The following TRABD variants were observed in gnomAD, a reference collection of about 807,000 sequenced individuals.
TRABD encodes the protein TraB domain containing.
A neutral mutation model predicts 39.6 loss-of-function variants in TRABD; 23 were observed. The ratio of observed to expected loss-of-function variants is 0.58; its 90% CI spans 0.42 to 0.82. TRABD has a LOEUF of 0.82. Among genes scored for constraint, TRABD ranks in the 40% least tolerant of loss-of-function variants. The pLI is 0.00. For missense variants in TRABD, 487 were observed against 544.9 expected, an observed-to-expected ratio of 0.89 and a Z score of 1.06; for synonymous variants, 243 against 232.1, an observed-to-expected ratio of 1.05 and a Z score of -0.43.
At chr22:50,194,543 T>A (rs892591154) in intron 4 of TRABD, 37 bp downstream of exon 4, 1 of 1,558,586 alleles carries the variant, frequency 6.4e-7, no homozygotes, top group Non-Finnish European at 8.7e-7. Flanking sequence ...GGACACGGGT[T>A]GGTGTAAGCT....
At chr22:50,189,342 C>A (rs973941830) in intron 1 of TRABD, among the ~76,000 whole-genome samples, 4 of 152,170 alleles carry the variant, frequency 2.6e-5, no homozygotes, top group African/African-American at 9.7e-5. Flanking sequence ...GATCTGAGGA[C>A]CCTGTCTGCC....
chr22:50,198,375 G>A lies in TRABD; in HGVS notation c.987G>A (p.Val329=). Residue 329 remains valine, a synonymous_variant, in exon 10 of 10, where the codon GTG becomes GTA. Coordinates refer to ENST00000380909, the MANE Select transcript of TRABD (RefSeq NM_001320485.2). The surrounding 1 kb of genome is among the most constrained non-coding windows in gnomAD (Gnocchi z 7.9). ...CCCCGCCGTCCGTCTCCGGCAGAGT[G>A]TCTCGGTTGGCCGTGAAGGCCGCCT... ...TVPPPSVSGR[V]SRLAVKAAFF... is the part of the protein sequence containing the mutation. The A allele has an allele frequency of 6.3e-7, 1 of 1,589,226 alleles. No individual in the cohort carries two copies. Among genetic ancestry groups the A allele is most frequent in the Non-Finnish European group, 8.5e-7 (1 of 1,173,100 alleles).
chr22:50,197,775 C>G, intron 7 of TRABD, 48 bp from the exon 8 acceptor site: 2 of 1,487,948 alleles, frequency 1.3e-6, no homozygotes, highest in Non-Finnish European at 1.9e-6. Flanking sequence ...CCCCACCCCC[C>G]CAGCCCGTTG....
chr22:50,195,712 C>A (rs1457778333), intron 5 of TRABD, among the ~76,000 whole-genome samples: 3 of 152,136 alleles, frequency 2.0e-5, no homozygotes, highest in Non-Finnish European at 2.9e-5. Flanking sequence ...AATCCACCCA[C>A]CTCAGCCTCC....
At chr22:50,189,488 C>T (rs2063838265) in intron 1 of TRABD, among the ~76,000 whole-genome samples, 2 of 152,256 alleles carry the variant, frequency 1.3e-5, no homozygotes, top group African/African-American at 4.8e-5. Context: ...TCCTGCCAGG[C>T]TGCACCGCTT....
Position 50,197,986 on chromosome 22 carries a change from G to A in TRABD, c.835G>A (p.Ala279Thr). 1 of 1,611,670 alleles carries A rather than the reference G, an allele frequency of 6.2e-7. No homozygotes were observed. The highest frequency in any genetic ancestry group is 8.5e-7 in the Non-Finnish European group (1 of 1,179,262). The change falls in exon 8 of 10, where the codon GCC becomes ACC. Residue 279 changes from alanine to threonine, a missense_variant. Around this residue, in one of 3 missense-constraint regions of TRABD, gnomAD observed 358 missense variants for 414.7 expected, o/e 0.86. Transcript: ENST00000380909. ...CGCGCGGCGCCTCGAGCTGCCTCGG[G>A]CCTCTGACGGTGACGGCCGCCCGCA... ...QAARRLELPR[A>T]SDAEPRKCVP...
chr22:50,195,076 G>T (rs765585879), intron 5 of TRABD, 36 bp downstream of exon 5: 3 of 1,526,910 alleles, frequency 2.0e-6, no homozygotes, highest in African/African-American at 2.7e-5. Flanking sequence ...GGTCAGGGTC[G>T]GGGTCAAAGC....
Position 50,194,403 on chromosome 22 carries a change from A to G in TRABD, c.176A>G (p.Asn59Ser). The stretch of plus-strand genomic sequence containing the variant: ...CTGAAGCGGCGGCGTCAGCGGCCCA[A>G]CCTGCCGCGCACTGTGACCCAGTTG... Reference protein sequence around the residue: ...MKLKRRRQRPNLPRTVTQLVA... With the variant: ...MKLKRRRQRPSLPRTVTQLVA... The change falls in exon 4 of 10, where the codon AAC becomes AGC. Residue 59 changes from asparagine (N) to serine (S), a missense_variant. This residue lies in a region of TRABD where 358 missense variants were observed against 414.7 expected (regional missense o/e 0.86). Coordinates refer to ENST00000380909, the MANE Select transcript of TRABD (RefSeq NM_001320485.2). 5.0e-6 allele frequency: 8 copies of G among 1,612,750 alleles called. No individual in the cohort carries two copies. The highest frequency in any genetic ancestry group is 3.3e-5 in the South Asian group (3 of 91,070).
intron 1 of TRABD, among the ~76,000 whole-genome samples, chr22:50,190,953 T>G (rs2063888460): frequency 6.6e-6 from 1 of 152,210 alleles, no homozygotes; most frequent in South Asian, 2.1e-4. Flanking sequence ...GGGTCCAGAC[T>G]CAAGCCCAGG....
At chr22:50,197,763 A>AGCC in intron 7 of TRABD, 60 bp from the exon 8 acceptor site, 3 of 1,439,768 alleles carry the variant, frequency 2.1e-6, no homozygotes, top group Non-Finnish European at 2.9e-6. Flanking sequence ...CCACAGTGCC[A>AGCC]GCCCCACCCC....
chr22:50,197,912 C>T lies in TRABD; in HGVS notation c.761C>T (p.Thr254Ile). ...GGCGAGTTCCCAGACCTGCACCGCA[C>T]CATCGTCTCGGAGCGCGACGTCTAC... ...MIGEFPDLHR[T>I]IVSERDVYLT... Residue 254 changes from threonine to isoleucine, a missense_variant, in exon 8 of 10, where the codon ACC becomes ATC. Physicochemically the swap from Thr to Ile is moderately conservative, Grantham distance 89. Around this residue, in one of 3 missense-constraint regions of TRABD, gnomAD observed 358 missense variants for 414.7 expected, o/e 0.86. Coordinates refer to ENST00000380909, the MANE Select transcript of TRABD (RefSeq NM_001320485.2). The T allele has an allele frequency of 1.2e-6, 2 of 1,613,090 alleles. No homozygotes were observed. The highest frequency in any genetic ancestry group is 1.7e-6 in the Non-Finnish European group (2 of 1,179,968).
chr22:50,197,765 C>CCCCCCCCCCCCCCCCCCAGGG, intron 7 of TRABD, 58 bp from the exon 8 acceptor site: 2 of 754,054 alleles, frequency 2.7e-6, no homozygotes, highest in Non-Finnish European at 4.4e-6. Context: ...ACAGTGCCAG[C>CCCCCCCCCCCCCCCCCCAGGG]CCCACCCCCC....
At chr22:50,197,764 G>GGCCCCCCCCCCCCCC in intron 7 of TRABD, 59 bp from the exon 8 acceptor site, 16 of 1,284,654 alleles carry the variant, frequency 1.2e-5, no homozygotes, top group Middle Eastern at 2.1e-4. Flanking sequence ...CACAGTGCCA[G>GGCCCCCCCCCCCCCC]CCCCACCCCC....
At chr22:50,188,852 T>C (rs982755955) in intron 1 of TRABD, among the ~76,000 whole-genome samples, 4 of 152,146 alleles carry the variant, frequency 2.6e-5, no homozygotes, top group African/African-American at 7.2e-5. Flanking sequence ...GCCAAAGGAC[T>C]GTAGATGCCG....
rs773017206 is a variant in TRABD, at chr22:50,197,926, C to T, written c.775C>T (p.Arg259Cys). The T allele has an allele frequency of 2.5e-6, 4 of 1,612,890 alleles. No homozygotes were observed. The highest frequency in any genetic ancestry group is 2.2e-5 in the South Asian group (2 of 91,092). Residue 259 changes from arginine to cysteine, a missense_variant, in exon 8 of 10, where the codon CGC becomes TGC. Transcript: ENST00000380909. ...CCTGCACCGCACCATCGTCTCGGAG[C>T]GCGACGTCTACCTAACCTACATGCT... ...PDLHRTIVSE[R>C]DVYLTYMLRQ... is the part of the protein sequence containing the mutation.
chr22:50,192,714 C>T (rs529128149), intron 1 of TRABD, among the ~76,000 whole-genome samples: 3 of 32,120 alleles, frequency 9.3e-5, no homozygotes, highest in East Asian at 1.7e-3. Context: ...CCCGCCGTGC[C>T]GCAGTGAGGG....
chr22:50,188,067 G>A (rs1451679390), intron 1 of TRABD, among the ~76,000 whole-genome samples: 1 of 151,848 alleles, frequency 6.6e-6, no homozygotes, highest in Non-Finnish European at 1.5e-5. Context: ...GGATCACAAG[G>A]TCAGGAGTTC....
chr22:50,194,570 AG>A, intron 4 of TRABD, 64 bp downstream of exon 4: 1 of 1,546,340 alleles, frequency 6.5e-7, no homozygotes, highest in Non-Finnish European at 8.7e-7. Flanking sequence ...TCCTGCACTC[AG>A]GGACCTCCCG....
At chr22:50,195,071 GGGTC>G (rs913838346) in intron 5 of TRABD, 31 bp downstream of exon 5, 1 of 1,534,296 alleles carries the variant, frequency 6.5e-7, no homozygotes, top group African/African-American at 1.4e-5. Flanking sequence ...GTCAGGGTCA[GGGTC>G]GGGGTCAAAG....
Sources: gnomAD v4.1 joint callset for allele counts (sites outside exome capture counted in the v4.1 genomes callset) on GRCh38, gnomAD v4.1.1 for gene constraint, gnomAD v4.1.1 regional missense constraint, Gnocchi (gnomAD v3.1) non-coding constraint, MANE v1.5 for transcripts, NCBI Gene and HGNC (gene_info 2026-07-23, HGNC 2026-07-21) for gene names.